Variants in DPYD observed in about 807,000 individuals in gnomAD.
DPYD encodes the protein dihydropyrimidine dehydrogenase [NADP(+)].
DPYD carries 109 observed loss-of-function variants against 116.2 expected under a neutral mutation model. The ratio of observed to expected loss-of-function variants is 0.94; its 90% CI spans 0.80 to 1.10. The LOEUF (loss-of-function observed/expected upper bound fraction) is 1.10. Ranked by LOEUF, DPYD falls within the 50% of genes least tolerant of loss-of-function variation. The pLI is 0.00. For synonymous variants in DPYD, 440 were observed against 432.0 expected (o/e 1.02, Z -0.23); for missense variants, 1,302 against 1,254.5 (o/e 1.04, Z -0.57).
intron 9 of DPYD, 98 bp downstream of exon 9, chr1:97,594,961 A>G: frequency 1.2e-6 from 1 of 813,026 alleles, no homozygotes; most frequent in Non-Finnish European, 1.9e-6. Flanking sequence ...GTTGGGTGTG[A>G]GAGCTGAACA....
At chr1:97,381,092 T>G (rs1323042944) in intron 15 of DPYD, among the ~76,000 whole-genome samples, 2 of 152,218 alleles carry the variant, frequency 1.3e-5, no homozygotes, top group African/African-American at 4.8e-5. Flanking sequence ...TTTTGCAGAC[T>G]GTTTTGATTG....
chr1:97,460,504 C>A (rs1296988919), intron 13 of DPYD, among the ~76,000 whole-genome samples: 1 of 152,126 alleles, frequency 6.6e-6, no homozygotes, highest in East Asian at 1.9e-4. Flanking sequence ...AAAAACGACA[C>A]CCTGAAGTAT....
chr1:97,292,108 C>T (rs1394181245), intron 18 of DPYD, among the ~76,000 whole-genome samples: 2 of 151,966 alleles, frequency 1.3e-5, no homozygotes, highest in Non-Finnish European at 2.9e-5. Flanking sequence ...TATGCTTGGC[C>T]TTAACAAACA....
intron 18 of DPYD, among the ~76,000 whole-genome samples, chr1:97,251,837 T>C (rs76607968): frequency 0.029 from 4,455 of 152,240 alleles, 222 homozygotes; most frequent in African/African-American, 0.1. Context: ...ACAGCTTCAA[T>C]GAACCAAAGA....
intron 20 of DPYD, among the ~76,000 whole-genome samples, chr1:97,148,258 G>T (rs945237759): frequency 2.7e-5 from 4 of 150,670 alleles, no homozygotes; most frequent in African/African-American, 7.3e-5. Flanking sequence ...GTGTGTGGGG[G>T]GGGTGTGTGT....
At chr1:97,140,980 G>A (rs1391967463) in intron 20 of DPYD, among the ~76,000 whole-genome samples, 1 of 152,154 alleles carries the variant, frequency 6.6e-6, no homozygotes, top group Non-Finnish European at 1.5e-5. Context: ...GAAGCCAAAT[G>A]TAAGTGTGAG....
intron 11 of DPYD, among the ~76,000 whole-genome samples, chr1:97,556,420 A>T (rs1651718008): frequency 6.7e-6 from 1 of 149,288 alleles, no homozygotes; most frequent in South Asian, 2.1e-4. Context: ...TTAGTTACAT[A>T]TGTATACATG....
intron 12 of DPYD, among the ~76,000 whole-genome samples, chr1:97,548,769 TA>T (rs1651098671): frequency 6.6e-6 from 1 of 152,054 alleles, no homozygotes. Flanking sequence ...TAATTTAATT[TA>T]AAAAATAAAA....
intron 3 of DPYD, among the ~76,000 whole-genome samples, chr1:97,827,008 CT>C (rs1049689530): frequency 1.9e-4 from 29 of 152,130 alleles, no homozygotes; most frequent in Non-Finnish European, 4.0e-4. Context: ...TTACCTCCCC[CT>C]GTGGTTTTAA....
chr1:97,649,704 A>T (rs1658472129), intron 8 of DPYD, among the ~76,000 whole-genome samples: 1 of 152,142 alleles, frequency 6.6e-6, no homozygotes, highest in Non-Finnish European at 1.5e-5. Context: ...AATGATAATT[A>T]AGACTCGCAT....
chr1:97,498,365 A>C (rs1679388403), intron 13 of DPYD, among the ~76,000 whole-genome samples: 1 of 151,938 alleles, frequency 6.6e-6, no homozygotes, highest in Admixed American at 6.6e-5. Flanking sequence ...TAAGAACACT[A>C]AATATTATAT....
At chr1:97,824,080 T>C (rs1005429950) in intron 3 of DPYD, among the ~76,000 whole-genome samples, 2 of 152,116 alleles carry the variant, frequency 1.3e-5, no homozygotes, top group African/African-American at 4.8e-5. Flanking sequence ...ACTTAAGAAT[T>C]TCCATCTTCA....
At chr1:97,887,197 AG>A (rs745646219) in intron 1 of DPYD, among the ~76,000 whole-genome samples, 4 of 151,972 alleles carry the variant, frequency 2.6e-5, no homozygotes, top group Non-Finnish European at 4.4e-5. Flanking sequence ...TATCCAGGCC[AG>A]GCATAATGGG....
At chr1:97,914,764 T>C (rs972493270) in intron 1 of DPYD, among the ~76,000 whole-genome samples, 1 of 152,154 alleles carries the variant, frequency 6.6e-6, no homozygotes, top group Non-Finnish European at 1.5e-5. Flanking sequence ...ATGGGTCTCT[T>C]TAAATTGATC....
At chr1:97,739,010 G>T (rs1664112317) in intron 4 of DPYD, among the ~76,000 whole-genome samples, 1 of 151,950 alleles carries the variant, frequency 6.6e-6, no homozygotes, top group Non-Finnish European at 1.5e-5. Flanking sequence ...GGGGTAGCAT[G>T]GATCTTGTAA....
chr1:97,758,745 CT>C (rs749396178), intron 3 of DPYD, among the ~76,000 whole-genome samples: 76 of 152,278 alleles, frequency 5.0e-4, no homozygotes, highest in Middle Eastern at 3.4e-3. Context: ...CTGACCTTCA[CT>C]ACAGTCAGCA....
At chr1:97,747,602 T>C (rs982580826) in intron 3 of DPYD, among the ~76,000 whole-genome samples, 9 of 152,298 alleles carry the variant, frequency 5.9e-5, no homozygotes, top group Non-Finnish European at 1.0e-4. Context: ...AATGTCTATA[T>C]TTAGCATAAG....
At chr1:97,208,088 G>C (rs370205575) in intron 19 of DPYD, among the ~76,000 whole-genome samples, 12 of 152,064 alleles carry the variant, frequency 7.9e-5, no homozygotes, top group Non-Finnish European at 1.6e-4. Context: ...ATGTAGCCAG[G>C]AGTGTTTAAT....
chr1:97,816,891 T>C (rs1159416360), intron 3 of DPYD, among the ~76,000 whole-genome samples: 2 of 152,216 alleles, frequency 1.3e-5, no homozygotes, highest in Non-Finnish European at 1.5e-5. Context: ...ATAGTCATGT[T>C]CATTGATAAA....
Sources: gnomAD v4.1 joint callset for allele counts (sites outside exome capture counted in the v4.1 genomes callset) on GRCh38, gnomAD v4.1.1 for gene constraint, MANE v1.5 for transcripts, NCBI Gene and HGNC (gene_info 2026-07-23, HGNC 2026-07-21) for gene names.